ABI2: variants seen among roughly 807,000 people sequenced by gnomAD.
ABI2 encodes the protein abl interactor 2, also known as abelson interactor 2.
In ABI2, 25 loss-of-function variants were observed where a neutral mutation model predicts 59.2. That is an observed-to-expected ratio of 0.42 (90% confidence interval 0.31 to 0.59). The LOEUF is 0.59. Among genes scored for constraint, ABI2 ranks in the 20% least tolerant of loss-of-function variants. The pLI, the probability that ABI2 is intolerant of heterozygous loss-of-function variation, is 0.14. For synonymous variants in ABI2, 213 were observed against 235.5 expected (o/e 0.90, Z 0.87); for missense variants, 545 against 681.8 (o/e 0.80, Z 2.23).
At chr2:203,398,536 A>G (rs2097097151) in intron 8 of ABI2, among the ~76,000 whole-genome samples, 1 of 152,184 alleles carries the variant, frequency 6.6e-6, no homozygotes, top group African/African-American at 2.4e-5. Context: ...TTACCAAGCA[A>G]TTGTTTTTCT....
Position 203,394,716 on chromosome 2 carries a change from C to G in ABI2, c.595C>G (p.Arg199Gly), listed in dbSNP as rs1358079274. 1.9e-6 allele frequency: 3 copies of G among 1,613,890 alleles called. No individual in the cohort carries two copies. Among genetic ancestry groups the G allele is most frequent in the Non-Finnish European group, 2.5e-6 (3 of 1,180,000 alleles). ...KGTLGRHSPY[R>G]TLEPVRPPVV... ...TTTTTGTAGGCGGCACTCCCCCTAT[C>G]GCACACTGGAGCCAGTGCGTCCTCC... The change falls in exon 6 of 12, where the codon CGC becomes GGC. Residue 199 changes from arginine (R) to glycine (G), a missense_variant. Physicochemically the swap from Arg to Gly is moderately radical, Grantham distance 125 (BLOSUM62 -2). This residue lies in a region of ABI2 where 410 missense variants were observed against 435.6 expected (regional missense o/e 0.94). Coordinates refer to ENST00000261018, the MANE Select transcript of ABI2 (RefSeq NM_001375670.1).
chr2:203,401,875 C>T (rs1160756978), intron 8 of ABI2, among the ~76,000 whole-genome samples: 1 of 152,064 alleles, frequency 6.6e-6, no homozygotes, highest in Non-Finnish European at 1.5e-5. Flanking sequence ...GTGTGTCAAA[C>T]ATTTTTTCTC....
chr2:203,375,883 A>G (rs1393602839), intron 2 of ABI2: 1 of 433,494 alleles, frequency 2.3e-6, no homozygotes, highest in Non-Finnish European at 4.1e-6. Context: ...TTCAAACTCC[A>G]AATAGAACCG....
chr2:203,329,912 T>A (rs2071821596), intron 1 of ABI2, among the ~76,000 whole-genome samples: 1 of 152,090 alleles, frequency 6.6e-6, no homozygotes, highest in Non-Finnish European at 1.5e-5. Context: ...AATTTTTGTA[T>A]TTTTAGTAAA....
intron 1 of ABI2, among the ~76,000 whole-genome samples, chr2:203,351,239 T>A (rs904052478): frequency 4.6e-5 from 7 of 152,248 alleles, no homozygotes; most frequent in Non-Finnish European, 8.8e-5. Flanking sequence ...GTGTTTTTAT[T>A]ACTGTACTTT....
chr2:203,385,911 C>G (rs779351709), intron 4 of ABI2, among the ~76,000 whole-genome samples: 8 of 152,146 alleles, frequency 5.3e-5, no homozygotes, highest in Non-Finnish European at 8.8e-5. Flanking sequence ...TTCCCTTATT[C>G]TCTGTGTTTT....
At position 203,395,728 on chromosome 2, in the gene ABI2, TGTG is replaced by T; in HGVS notation, c.800_802del (p.Val267del). 5 of 1,610,790 alleles carry T rather than the reference TGTG, an allele frequency of 3.1e-6. No homozygotes were observed. The highest frequency in any genetic ancestry group is 4.2e-6 in the Non-Finnish European group (5 of 1,178,360). On this transcript the variant is annotated inframe_deletion, in exon 7 of 12. Coordinates refer to ENST00000261018, the MANE Select transcript of ABI2 (RefSeq NM_001375670.1). Reference sequence around the variant, plus strand: ...GTCGAGAGAACAGTGGAAGTGGTAGTGTGGGGGTTCCTATTGCTGTTCCTACTC... The same window carrying T: ...GTCGAGAGAACAGTGGAAGTGGTAGTGGGGTTCCTATTGCTGTTCCTACTC...
chr2:203,364,538 T>G (rs2094109924), intron 1 of ABI2, among the ~76,000 whole-genome samples: 1 of 152,312 alleles, frequency 6.6e-6, no homozygotes, highest in Admixed American at 6.5e-5. Context: ...AACTTCATCT[T>G]GAACTTAGAA....
intron 4 of ABI2, among the ~76,000 whole-genome samples, chr2:203,384,284 GTTTTTGTTTTT>G: frequency 2.1e-5 from 1 of 48,526 alleles, no homozygotes; most frequent in South Asian, 1.1e-3. Flanking sequence ...TCTTGTTTTT[GTTTTTGTTTTT>G]TTTTTTTTTT....
At chr2:203,369,230 T>G (rs3884656) in intron 2 of ABI2, among the ~76,000 whole-genome samples, 21 of 151,958 alleles carry the variant, frequency 1.4e-4, no homozygotes, top group African/African-American at 5.1e-4. Flanking sequence ...AATTTTTCCA[T>G]GTTTGAAGCA....
At chr2:203,408,601 C>CT (rs1488568019) in intron 9 of ABI2, among the ~76,000 whole-genome samples, 1 of 151,450 alleles carries the variant, frequency 6.6e-6, no homozygotes, top group Non-Finnish European at 1.5e-5. Context: ...CCTAATCATT[C>CT]TTTTTTAGCT....
intron 9 of ABI2, among the ~76,000 whole-genome samples, chr2:203,403,068 TAATG>T (rs772370930): frequency 2.0e-5 from 3 of 152,174 alleles, no homozygotes; most frequent in Non-Finnish European, 2.9e-5. Flanking sequence ...AAATAACAAA[TAATG>T]AAAGTTGTGT....
intron 5 of ABI2, among the ~76,000 whole-genome samples, chr2:203,392,018 A>T (rs2096760525): frequency 6.6e-6 from 1 of 152,146 alleles, no homozygotes; most frequent in African/African-American, 2.4e-5. Context: ...AAGCCAGGTG[A>T]TTAAAATTCT....
intron 2 of ABI2, among the ~76,000 whole-genome samples, chr2:203,368,337 C>T (rs2094694531): frequency 6.6e-6 from 1 of 151,920 alleles, no homozygotes; most frequent in African/African-American, 2.4e-5. Context: ...TATTTTAGCA[C>T]TCTTGTCATT....
intron 1 of ABI2, chr2:203,351,697 G>A (rs745886780): frequency 6.3e-6 from 2 of 316,324 alleles, no homozygotes; most frequent in Admixed American, 4.6e-5. Flanking sequence ...TACTGTGCCC[G>A]GCTGATTTTC....
intron 1 of ABI2, among the ~76,000 whole-genome samples, chr2:203,330,835 A>G (rs995845415): frequency 2.0e-5 from 3 of 152,236 alleles, no homozygotes; most frequent in African/African-American, 7.2e-5. Context: ...TAATTGCTAT[A>G]TAAAGGTAAA....
chr2:203,369,986 A>T lies in ABI2; in HGVS notation c.285+2942A>T, dbSNP rs764299652. ...GTCAGTTGAATATCAAAACTATTTG[A>T]TATTCTTCAGACTGGAATATTATTC... On this transcript the variant is annotated intron_variant, in intron 2 of 11. Coordinates refer to ENST00000261018, the MANE Select transcript of ABI2 (RefSeq NM_001375670.1). Among the ~76,000 whole-genome samples the T allele has an allele frequency of 4.6e-5, 7 of 152,138 alleles. 1 individual carries two copies. Among genetic ancestry groups the T allele is most frequent in the Non-Finnish European group, 1.0e-4 (7 of 68,026 alleles).
Position 203,355,072 on chromosome 2 carries a change from A to ATTCT in ABI2, c.118-11805_118-11804insTTCT, listed in dbSNP as rs2091190993. On this transcript the variant is annotated intron_variant, in intron 1 of 11. Coordinates refer to ENST00000261018, the MANE Select transcript of ABI2 (RefSeq NM_001375670.1). ...TCCTGCTTCTCAGCTGCATCTCAGAAGTTTCCTTTGCTGTCAACCTTGGAT... is the reference window on the plus strand; with the variant it reads ...TCCTGCTTCTCAGCTGCATCTCAGAATTCTGTTTCCTTTGCTGTCAACCTTGGAT... The ATTCT allele has an allele frequency of 1.5e-5, 4 of 267,180 alleles. 1 individual carries two copies. Among genetic ancestry groups the ATTCT allele is most frequent in the South Asian group, 1.4e-4 (4 of 27,740 alleles). The allele number at this position is 267,180 out of a possible 1,614,324, so 16.6% of individuals were successfully genotyped here. A position where few individuals can be genotyped will look rare whatever the true frequency, so the allele number is the denominator to read the frequency against.
At chr2:203,408,833 C>CTTTTTTTTTTCTT (rs1674177201) in intron 9 of ABI2, among the ~76,000 whole-genome samples, 1 of 87,204 alleles carries the variant, frequency 1.1e-5, no homozygotes, top group African/African-American at 3.7e-5. Context: ...CTTCTCCTTT[C>CTTTTTTTTTTCTT]TTTTTTTTTT....
Sources: allele counts gnomAD v4.1 joint callset (sites outside exome capture counted in the v4.1 genomes callset), GRCh38; gene constraint gnomAD v4.1.1; regional missense constraint gnomAD v4.1.1; transcripts MANE v1.5; gene names NCBI Gene and HGNC (gene_info 2026-07-23, HGNC 2026-07-21).